Variants in CERT1 observed in about 807,000 individuals in gnomAD.
The protein encoded by CERT1 is ceramide transporter 1, also known as ceramide transfer protein.
CERT1 carries 31 observed loss-of-function variants against 87.9 expected under a neutral mutation model. That is an observed-to-expected ratio of 0.35 (90% CI 0.27 to 0.48). CERT1 has a LOEUF of 0.48. CERT1 is among the 20% of genes least tolerant of loss of function. The probability of loss-of-function intolerance (pLI) is 0.99; values close to 1 mark genes in which losing one functional copy is unlikely to be tolerated. For missense variants in CERT1, 487 were observed against 758.0 expected (o/e 0.64, Z 4.20); for synonymous variants, 289 against 250.9 (o/e 1.15, Z -1.44).
intron 7 of CERT1, among the ~76,000 whole-genome samples, chr5:75,414,328 A>T (rs1252399185): frequency 1.3e-5 from 2 of 152,194 alleles, no homozygotes; most frequent in African/African-American, 4.8e-5. Flanking sequence ...TCTATGGTTA[A>T]GGGGTGTATA....
At chr5:75,479,859 A>G (rs1162502558) in intron 2 of CERT1, among the ~76,000 whole-genome samples, 1 of 152,194 alleles carries the variant, frequency 6.6e-6, no homozygotes, top group Non-Finnish European at 1.5e-5. Flanking sequence ...TCTGTGAGGA[A>G]TCGCCATACT....
intron 2 of CERT1, among the ~76,000 whole-genome samples, chr5:75,504,325 C>A (rs1055796969): frequency 7.2e-5 from 11 of 152,038 alleles, no homozygotes; most frequent in African/African-American, 2.7e-4. Flanking sequence ...AAATACTGAG[C>A]CTTTATGTTA....
At chr5:75,462,820 C>G (rs537506402) in intron 2 of CERT1, among the ~76,000 whole-genome samples, 177 of 151,646 alleles carry the variant, frequency 1.2e-3, no homozygotes, top group Non-Finnish European at 2.3e-3. Flanking sequence ...GGTGAAACCC[C>G]ATCTCTACTA....
chr5:75,381,637 G>C (rs939558236), intron 15 of CERT1, among the ~76,000 whole-genome samples: 25 of 152,086 alleles, frequency 1.6e-4, no homozygotes, highest in African/African-American at 5.6e-4. Context: ...CAGAGGTTTG[G>C]CTGGCAGTTG....
At chr5:75,470,125 C>CT (rs1765643574) in intron 2 of CERT1, among the ~76,000 whole-genome samples, 2 of 152,124 alleles carry the variant, frequency 1.3e-5, no homozygotes, top group South Asian at 4.1e-4. Flanking sequence ...CAACACCTCA[C>CT]TTTCAGCAAT....
At chr5:75,434,470 C>A (rs1217522853) in intron 3 of CERT1, among the ~76,000 whole-genome samples, 1 of 151,828 alleles carries the variant, frequency 6.6e-6, no homozygotes, top group African/African-American at 2.4e-5. Flanking sequence ...TGTGTCTCTG[C>A]CAGGTTTTGG....
At chr5:75,461,987 T>G (rs1307483262) in intron 2 of CERT1, among the ~76,000 whole-genome samples, 1 of 152,222 alleles carries the variant, frequency 6.6e-6, no homozygotes, top group Non-Finnish European at 1.5e-5. Flanking sequence ...CAATCCTGTC[T>G]TTATTAAAAA....
At chr5:75,505,820 C>T in intron 2 of CERT1, 162 bp downstream of exon 2, 1 of 486,518 alleles carries the variant, frequency 2.1e-6, no homozygotes, top group Non-Finnish European at 3.5e-6. Context: ...TAGTAAAAAC[C>T]ACAGTAAAAT....
intron 3 of CERT1, among the ~76,000 whole-genome samples, chr5:75,432,604 C>A (rs1257717084): frequency 1.3e-5 from 2 of 152,190 alleles, no homozygotes; most frequent in African/African-American, 4.8e-5. Flanking sequence ...GGATATCAGA[C>A]CTTTGTTGTA....
At chr5:75,389,830 A>G (rs1433238206) in intron 11 of CERT1, 143 bp from the exon 12 acceptor site, 2 of 622,258 alleles carry the variant, frequency 3.2e-6, no homozygotes, top group Non-Finnish European at 5.7e-6. Flanking sequence ...TAGGTTTTAC[A>G]TAGTGTTTGA....
chr5:75,375,790 G>A (rs1761278401), downstream of CERT1: 3 of 149,268 alleles, frequency 2.0e-5, no homozygotes, highest in South Asian at 2.1e-4. Flanking sequence ...AAGAATGTTC[G>A]CTTTCCTAGG....
At chr5:75,454,855 C>T (rs1764912042) in intron 3 of CERT1, among the ~76,000 whole-genome samples, 1 of 152,208 alleles carries the variant, frequency 6.6e-6, no homozygotes, top group Non-Finnish European at 1.5e-5. Flanking sequence ...GTGTCATCTT[C>T]TCTTATTCTA....
At chr5:75,408,398 G>T (rs537840579) in intron 8 of CERT1, among the ~76,000 whole-genome samples, 1 of 152,170 alleles carries the variant, frequency 6.6e-6, no homozygotes, top group Non-Finnish European at 1.5e-5. Context: ...TGGTGATGAT[G>T]TTCAGACCTT....
In CERT1 at chr5:75,511,235, G is replaced by A; in HGVS notation, c.-28C>T. 6.2e-7 allele frequency: 1 copy of A among 1,610,240 alleles called. No homozygotes were observed. Among genetic ancestry groups the A allele is most frequent in the Non-Finnish European group, 8.5e-7 (1 of 1,178,596 alleles). ...AGGCTCGACAACCGAGCAGGAGACC[G>A]GCCCCCGCTCCCTCAGCTGCGCCGG... is the stretch of plus-strand genomic sequence containing the variant. On this transcript the variant is annotated 5_prime_UTR_variant, in exon 1 of 17. Transcript: ENST00000643780.
intron 3 of CERT1, among the ~76,000 whole-genome samples, chr5:75,450,564 G>C (rs1452536737): frequency 6.6e-6 from 1 of 152,204 alleles, no homozygotes; most frequent in Non-Finnish European, 1.5e-5. Flanking sequence ...TGATCCCGAA[G>C]AGACTGAGTC....
chr5:75,458,823 T>C (rs1210652511), intron 3 of CERT1, among the ~76,000 whole-genome samples: 1 of 152,220 alleles, frequency 6.6e-6, no homozygotes, highest in Non-Finnish European at 1.5e-5. Context: ...GTGCTGGGAA[T>C]ACAGGCGTGA....
chr5:75,507,596 T>A (rs751166467), intron 1 of CERT1, among the ~76,000 whole-genome samples: 9 of 152,174 alleles, frequency 5.9e-5, no homozygotes, highest in Admixed American at 1.3e-4. Context: ...CACCTTCCTA[T>A]AAAGTATACT....
At chr5:75,454,780 A>G (rs1764906792) in intron 3 of CERT1, among the ~76,000 whole-genome samples, 2 of 152,228 alleles carry the variant, frequency 1.3e-5, no homozygotes, top group Non-Finnish European at 2.9e-5. Context: ...TGGAAAGGTG[A>G]AAAAACTCAA....
intron 2 of CERT1, among the ~76,000 whole-genome samples, chr5:75,496,384 T>C (rs915806927): frequency 6.6e-6 from 1 of 151,882 alleles, no homozygotes; most frequent in African/African-American, 2.4e-5. Flanking sequence ...GATGGTAAAC[T>C]GGTACCGCCA....
Sources: gnomAD v4.1 joint callset for allele counts (sites outside exome capture counted in the v4.1 genomes callset) on GRCh38, gnomAD v4.1.1 for gene constraint, MANE v1.5 for transcripts, NCBI Gene and HGNC (gene_info 2026-07-23, HGNC 2026-07-21) for gene names.